The following PPM1D variants were observed in gnomAD, a reference collection of about 807,000 sequenced individuals.
The protein encoded by PPM1D is protein phosphatase, Mg2+/Mn2+ dependent 1D, also known as protein phosphatase 1D.
A neutral mutation model predicts 58.3 loss-of-function variants in PPM1D; 52 were observed. The ratio of observed to expected loss-of-function variants is 0.89; its 90% CI spans 0.71 to 1.12. The LOEUF (loss-of-function observed/expected upper bound fraction) is 1.12. Ranked by LOEUF, PPM1D falls within the 50% of genes most tolerant of loss-of-function variation. The probability of loss-of-function intolerance (pLI) is 0.00; values close to 1 mark genes in which losing one functional copy is unlikely to be tolerated. For missense variants in PPM1D, 564 were observed against 777.2 expected, an observed-to-expected ratio of 0.73 and a Z score of 3.26; for synonymous variants, 278 against 285.1, an observed-to-expected ratio of 0.98 and a Z score of 0.25.
chr17:60,654,585 G>A (rs2031400216), intron 4 of PPM1D, among the ~76,000 whole-genome samples: 2 of 151,528 alleles, frequency 1.3e-5, no homozygotes, highest in Admixed American at 1.3e-4. Flanking sequence ...CAGGCAGCCG[G>A]GCACGGCGGT....
At chr17:60,645,578 A>ATGTGTGTGTG (rs1382355126) in intron 3 of PPM1D, among the ~76,000 whole-genome samples, 5,036 of 140,186 alleles carry the variant, frequency 0.036, 327 homozygotes, top group African/African-American at 0.12. Context: ...ATATGTATAT[A>ATGTGTGTGTG]TATATGTGTG....
intron 1 of PPM1D, among the ~76,000 whole-genome samples, chr17:60,621,563 ATT>A (rs775950363): frequency 6.9e-4 from 66 of 96,094 alleles, no homozygotes; most frequent in East Asian, 5.6e-3. Flanking sequence ...TATTTTTTGT[ATT>A]TTTTTTTTTT....
chr17:60,645,010 G>A (rs2031207135), intron 3 of PPM1D, among the ~76,000 whole-genome samples: 1 of 152,134 alleles, frequency 6.6e-6, no homozygotes, highest in Admixed American at 6.6e-5. Context: ...ATTTAAGTTA[G>A]AAGAAACAAT....
chr17:60,662,373 C>CA (rs1380082704), intron 5 of PPM1D: 6 of 152,186 alleles, frequency 3.9e-5, no homozygotes, highest in African/African-American at 7.2e-5. Flanking sequence ...CATCTTTGCA[C>CA]AGGGGCCATG....
chr17:60,616,379 C>G (rs143700560), intron 1 of PPM1D, among the ~76,000 whole-genome samples: 2 of 151,812 alleles, frequency 1.3e-5, no homozygotes, highest in Non-Finnish European at 2.9e-5. Flanking sequence ...GAGGCCGAGG[C>G]GGCAGATTAC....
chr17:60,614,033 C>T (rs1393018863), intron 1 of PPM1D, among the ~76,000 whole-genome samples: 1 of 152,230 alleles, frequency 6.6e-6, no homozygotes, highest in East Asian at 1.9e-4. Flanking sequence ...GGCGCAAGGC[C>T]CGGGACTGGC....
chr17:60,619,983 G>GTTTGT (rs374505300), intron 1 of PPM1D, among the ~76,000 whole-genome samples: 16,734 of 149,458 alleles, frequency 0.11, 2,031 homozygotes, highest in African/African-American at 0.3. Context: ...TTTTGTTTTT[G>GTTTGT]TTTGTTTTGT....
intron 3 of PPM1D, among the ~76,000 whole-genome samples, chr17:60,640,376 CAT>C (rs1179640127): frequency 6.6e-6 from 1 of 152,180 alleles, no homozygotes; most frequent in Non-Finnish European, 1.5e-5. Context: ...GAATGGGAAA[CAT>C]AACCAGATTT....
At chr17:60,643,380 C>CA (rs1038856141) in intron 3 of PPM1D, among the ~76,000 whole-genome samples, 2 of 151,226 alleles carry the variant, frequency 1.3e-5, no homozygotes, top group African/African-American at 2.4e-5. Flanking sequence ...GACCCAGTCT[C>CA]AAAAAAAAGA....
At chr17:60,659,426 G>A (rs1335705248) in intron 5 of PPM1D, among the ~76,000 whole-genome samples, 1 of 152,154 alleles carries the variant, frequency 6.6e-6, no homozygotes, top group Non-Finnish European at 1.5e-5. Flanking sequence ...TGGAGATAGT[G>A]GAAAAGCCTT....
At chr17:60,662,760 A>G (rs1028269662) in intron 5 of PPM1D, among the ~76,000 whole-genome samples, 2 of 152,156 alleles carry the variant, frequency 1.3e-5, no homozygotes, top group East Asian at 1.9e-4. Flanking sequence ...AATTTCATCT[A>G]TTACCCTGAA....
At chr17:60,650,551 A>AAACAACAAC (rs145962010) in intron 4 of PPM1D, among the ~76,000 whole-genome samples, 1 of 151,396 alleles carries the variant, frequency 6.6e-6, no homozygotes, top group Non-Finnish European at 1.5e-5. Context: ...CTCCATCTCA[A>AAACAACAAC]AACAACAACA....
chr17:60,657,469 G>A (rs2143721323), intron 5 of PPM1D, among the ~76,000 whole-genome samples: 1 of 152,234 alleles, frequency 6.6e-6, no homozygotes, highest in South Asian at 2.1e-4. Context: ...TAGCAGTATT[G>A]ATTGATAATT....
intron 1 of PPM1D, among the ~76,000 whole-genome samples, chr17:60,615,080 C>T (rs1170188817): frequency 6.6e-6 from 1 of 152,124 alleles, no homozygotes; most frequent in Non-Finnish European, 1.5e-5. Context: ...GCCTTTATGA[C>T]ATGCATATTT....
At chr17:60,657,038 A>C in intron 5 of PPM1D, 197 bp downstream of exon 5, 1 of 1,484,942 alleles carries the variant, frequency 6.7e-7, no homozygotes, top group Non-Finnish European at 8.9e-7. Context: ...AGCACTAATA[A>C]AAAGGTGATT....
chr17:60,662,418 T>A, intron 5 of PPM1D: 1 of 152,310 alleles, frequency 6.6e-6, no homozygotes, highest in East Asian at 1.9e-4. Context: ...TTTTAGTATA[T>A]GTGCTGCTGT....
At chr17:60,644,419 A>T (rs2031197343) in intron 3 of PPM1D, among the ~76,000 whole-genome samples, 2 of 152,174 alleles carry the variant, frequency 1.3e-5, no homozygotes, top group Admixed American at 1.3e-4. Flanking sequence ...TACAGGCATG[A>T]GCCACCTAAC....
intron 3 of PPM1D, among the ~76,000 whole-genome samples, chr17:60,641,771 AG>A (rs1417640942): frequency 6.6e-6 from 1 of 152,188 alleles, no homozygotes; most frequent in East Asian, 1.9e-4. Flanking sequence ...AATGGATTAG[AG>A]GGGGTAAACA....
chr17:60,609,407 A>G (rs1261829197), intron 1 of PPM1D, among the ~76,000 whole-genome samples: 1 of 151,328 alleles, frequency 6.6e-6, no homozygotes, highest in Non-Finnish European at 1.5e-5. Flanking sequence ...TGGTTTTTAT[A>G]ACTTATATAT....
Sources: gnomAD v4.1 joint callset for allele counts (sites outside exome capture counted in the v4.1 genomes callset) on GRCh38, gnomAD v4.1.1 for gene constraint, MANE v1.5 for transcripts, NCBI Gene and HGNC (gene_info 2026-07-23, HGNC 2026-07-21) for gene names.